Variants in FAM3D observed in about 807,000 individuals in gnomAD.
FAM3D encodes the protein FAM3 metabolism regulating signaling molecule D, also known as protein FAM3D.
A neutral mutation model predicts 29.8 loss-of-function variants in FAM3D; 26 were observed. The ratio of observed to expected loss-of-function variants is 0.87; its 90% CI spans 0.64 to 1.21. The LOEUF is 1.21. Among genes scored for constraint, FAM3D ranks in the 50% most tolerant of loss-of-function variants. FAM3D has a pLI of 0.00. For missense variants in FAM3D, 253 were observed against 290.9 expected, an observed-to-expected ratio of 0.87 and a Z score of 0.95; for synonymous variants, 115 against 102.3, an observed-to-expected ratio of 1.12 and a Z score of -0.75.
At chr3:58,637,052 C>A in intron 8 of FAM3D, 89 bp downstream of exon 8, 3 of 1,135,416 alleles carry the variant, frequency 2.6e-6, no homozygotes, top group Non-Finnish European at 3.9e-6. Flanking sequence ...GAAAATGGAT[C>A]TGGCAAAAGA....
intron 3 of FAM3D, among the ~76,000 whole-genome samples, chr3:58,649,704 A>G (rs1427119604): frequency 6.6e-6 from 1 of 152,158 alleles, no homozygotes; most frequent in African/African-American, 2.4e-5. Flanking sequence ...GTGTGCATAT[A>G]CACACATACA....
chr3:58,659,832 T>C (rs2066898250), intron 1 of FAM3D, among the ~76,000 whole-genome samples: 2 of 152,312 alleles, frequency 1.3e-5, no homozygotes, highest in South Asian at 4.1e-4. Flanking sequence ...TTCTCCGAAG[T>C]AGAAGTCTGC....
chr3:58,664,674 G>GAATCC (rs2066996483), intron 1 of FAM3D, among the ~76,000 whole-genome samples: 2 of 152,244 alleles, frequency 1.3e-5, no homozygotes, highest in Middle Eastern at 3.2e-3. Flanking sequence ...TGGAAAAAGG[G>GAATCC]CAGAACTGGG....
At chr3:58,637,073 G>T in intron 8 of FAM3D, 68 bp downstream of exon 8, 1 of 1,330,550 alleles carries the variant, frequency 7.5e-7, no homozygotes, top group Non-Finnish European at 1.1e-6. Context: ...GCAGAAAAGG[G>T]TGTGCAGGGT....
chr3:58,640,734 G>A (rs560572637), intron 6 of FAM3D, among the ~76,000 whole-genome samples: 2 of 152,364 alleles, frequency 1.3e-5, no homozygotes, highest in South Asian at 4.1e-4. Context: ...GGAGGAGGTG[G>A]CCGAAGGCCA....
At chr3:58,659,358 C>A (rs764075192) in intron 1 of FAM3D, among the ~76,000 whole-genome samples, 24 of 152,200 alleles carry the variant, frequency 1.6e-4, no homozygotes, top group Non-Finnish European at 2.5e-4. Flanking sequence ...CTACAGGAGC[C>A]GGGATGTCAG....
intron 3 of FAM3D, among the ~76,000 whole-genome samples, chr3:58,650,468 G>A (rs901066292): frequency 6.6e-6 from 1 of 152,140 alleles, no homozygotes; most frequent in Non-Finnish European, 1.5e-5. Context: ...GATAAGCATC[G>A]GGAGAGGAGC....
At chr3:58,637,110 T>G in intron 8 of FAM3D, 31 bp downstream of exon 8, 2 of 1,594,290 alleles carry the variant, frequency 1.3e-6, no homozygotes, top group Non-Finnish European at 1.7e-6. Flanking sequence ...TGCATCACTG[T>G]GTGGCCTGGC....
At chr3:58,642,734 TC>T (rs1197698001) in intron 6 of FAM3D, among the ~76,000 whole-genome samples, 1 of 152,140 alleles carries the variant, frequency 6.6e-6, no homozygotes, top group African/African-American at 2.4e-5. Context: ...TCTCCCTGCC[TC>T]CAGCCCCCCT....
At chr3:58,659,876 A>C (rs912681973) in intron 1 of FAM3D, among the ~76,000 whole-genome samples, 1 of 152,134 alleles carries the variant, frequency 6.6e-6, no homozygotes, top group African/African-American at 2.4e-5. Context: ...GGACCTAACT[A>C]GTCTCTTCTG....
chr3:58,637,312 A>C, intron 7 of FAM3D, 87 bp from the exon 8 acceptor site: 3 of 1,266,150 alleles, frequency 2.4e-6, no homozygotes, highest in Admixed American at 2.0e-5. Context: ...ATGATGCAGG[A>C]GTCAGCTAGG....
chr3:58,637,528 G>A (rs1045782211), intron 7 of FAM3D, among the ~76,000 whole-genome samples: 10 of 152,128 alleles, frequency 6.6e-5, no homozygotes, highest in African/African-American at 2.4e-4. Flanking sequence ...ACTGGTAGAA[G>A]GGCCCTTGTG....
At position 58,635,904 on chromosome 3, in the gene FAM3D, G is replaced by A. The variant is rs1464525903; in HGVS notation, c.585+390C>T. Reference sequence around the variant, plus strand: ...TCCCTCCTCGTTTTCTCCATGCCTCGCCAGGGAGGCTGAAGGGATGGGGAC... The same window carrying A: ...TCCCTCCTCGTTTTCTCCATGCCTCACCAGGGAGGCTGAAGGGATGGGGAC... On this transcript the variant is annotated intron_variant, in intron 9 of 9. Coordinates refer to ENST00000358781, the MANE Select transcript of FAM3D (RefSeq NM_138805.3). The surrounding 1 kb of genome is among the most constrained non-coding windows in gnomAD (Gnocchi z 5.2). Among the ~76,000 whole-genome samples the A allele has an allele frequency of 1.3e-5, 2 of 152,028 alleles. No individual in the cohort carries two copies. Among genetic ancestry groups the A allele is most frequent in the East Asian group, 1.9e-4 (1 of 5,170 alleles).
Position 58,645,636 on chromosome 3 carries a change from A to G in FAM3D, c.146-10T>C. The G allele has an allele frequency of 6.2e-7, 1 of 1,611,808 alleles. No homozygotes were observed. Reference sequence around the variant, plus strand: ...TTGTACTTTTTAACCTCTGGGGAGGAAAGAGACCAGCCTTGGTGGGCAGAA... The same window carrying G: ...TTGTACTTTTTAACCTCTGGGGAGGGAAGAGACCAGCCTTGGTGGGCAGAA... On this transcript the variant is annotated splice_polypyrimidine_tract_variant and intron_variant, in intron 4 of 9. Coordinates refer to ENST00000358781, the MANE Select transcript of FAM3D (RefSeq NM_138805.3).
In FAM3D at chr3:58,649,400, G is replaced by A; in HGVS notation, c.122-62C>T. On this transcript the variant is annotated intron_variant, in intron 3 of 9. Coordinates refer to ENST00000358781, the MANE Select transcript of FAM3D (RefSeq NM_138805.3). ...CTTCGGACCCTCCTGCAGGATGGAG[G>A]TTGGGGGCTGGGGGCTGGGGAGTGG... 3.7e-6 allele frequency: 6 copies of A among 1,603,802 alleles called. No individual in the cohort carries two copies. In the South Asian group the frequency reaches 6.6e-5, roughly 18 times the overall value.
chr3:58,649,175 G>C, intron 4 of FAM3D, 140 bp downstream of exon 4: 1 of 1,051,212 alleles, frequency 9.5e-7, no homozygotes, highest in Non-Finnish European at 1.4e-6. Context: ...GAGAGGACTG[G>C]GAAGAATCAG....
In FAM3D at chr3:58,633,982, A is replaced by G; in HGVS notation, c.*297T>C. On this transcript the variant is annotated 3_prime_UTR_variant, in exon 10 of 10. Coordinates refer to ENST00000358781, the MANE Select transcript of FAM3D (RefSeq NM_138805.3). The stretch of plus-strand genomic sequence containing the variant: ...CAAAAATAAAATTTAATTGGGCTCA[A>G]GTCTGGGCAGTTTGTCCTTCCTCAG... 1 of 394,960 alleles carries G rather than the reference A, an allele frequency of 2.5e-6. No individual in the cohort carries two copies. Among genetic ancestry groups the G allele is most frequent in the Non-Finnish European group, 4.5e-6 (1 of 219,942 alleles). 24.5% of individuals were successfully genotyped at this position (394,960 alleles called of 1,614,324 possible). A position where few individuals can be genotyped will look rare whatever the true frequency, so the allele number is the denominator to read the frequency against.
intron 2 of FAM3D, among the ~76,000 whole-genome samples, chr3:58,654,504 CA>C (rs2066733686): frequency 6.6e-6 from 1 of 152,210 alleles, no homozygotes; most frequent in Non-Finnish European, 1.5e-5. Context: ...TCTGATTCCC[CA>C]TGTGATTGGG....
At chr3:58,644,072 T>C (rs919727809) in intron 5 of FAM3D, among the ~76,000 whole-genome samples, 5 of 152,040 alleles carry the variant, frequency 3.3e-5, no homozygotes, top group African/African-American at 1.2e-4. Context: ...GGTGTCTGAG[T>C]CCCCATGTGG....
Sources: allele counts gnomAD v4.1 joint callset (sites outside exome capture counted in the v4.1 genomes callset), GRCh38; gene constraint gnomAD v4.1.1; non-coding constraint Gnocchi (gnomAD v3.1); transcripts MANE v1.5; gene names NCBI Gene and HGNC (gene_info 2026-07-23, HGNC 2026-07-21).